Variants in ZSCAN4 observed in about 807,000 individuals in gnomAD.
ZSCAN4 encodes the protein zinc finger and SCAN domain containing 4, also known as zinc finger and SCAN domain-containing protein 4.
ZSCAN4 carries 18 observed loss-of-function variants against 18.3 expected under a neutral mutation model. The ratio of observed to expected loss-of-function variants is 0.98; its 90% confidence interval spans 0.68 to 1.46. The LOEUF is 1.46. Ranked by LOEUF, ZSCAN4 falls within the 40% of genes most tolerant of loss-of-function variation. The pLI is 0.00. For synonymous variants in ZSCAN4, 193 were observed against 180.3 expected (o/e 1.07, Z -0.57); for missense variants, 498 against 511.4 (o/e 0.97, Z 0.25).
chr19:57,656,315 G>A, the ZSCAN4 span, among the ~76,000 whole-genome samples: 1 of 152,240 alleles, frequency 6.6e-6, no homozygotes, highest in South Asian at 2.1e-4. Context: ...ATACACCCAG[G>A]AGGAACAAGT....
exon 1 of ZSCAN4, chr19:57,669,131 G>C (rs12610562): frequency 0.52 from 76,340 of 147,364 alleles, 20,041 homozygotes; most frequent in Middle Eastern, 0.59. Flanking sequence ...CGTAATCTCG[G>C]CTCACTGCAA....
Position 57,672,160 on chromosome 19 carries a change from TC to T in ZSCAN4, c.-106+1595del, listed in dbSNP as rs546789390. ...ATGCAAACTCACTTTTACTTCTGAA[TC>T]CTAAACATCAGTAGGAAAGGACAGG... On this transcript the variant is annotated intron_variant, in intron 2 of 4. Transcript: ENST00000318203. Among the ~76,000 whole-genome samples the T allele has an allele frequency of 3.2e-3, 489 of 152,258 alleles. 2 individuals are homozygous for T. Among genetic ancestry groups the T allele is most frequent in the African/African-American group, 0.011 (463 of 41,546 alleles).
In ZSCAN4 at chr19:57,678,078, A is replaced by T. The variant is rs745785607; in HGVS notation, c.561A>T (p.Gln187His). ...AAGATACTTCCTTAGAAACAGGACA[A>T]GGTAAGTCAGGTGAATCTGCACAAC... Residue 187 changes from glutamine (Q) to histidine (H), a missense_variant and splice_region_variant, in exon 4 of 5, where the codon CAA becomes CAT. Coordinates refer to ENST00000318203, the Ensembl canonical transcript of ZSCAN4. 8.8e-6 allele frequency: 14 copies of T among 1,581,990 alleles called. No homozygotes were observed. The Admixed American group carries it at 8.9e-5, about 10-fold the overall frequency.
At chr19:57,661,819 C>A in the ZSCAN4 span, among the ~76,000 whole-genome samples, 1 of 152,148 alleles carries the variant, frequency 6.6e-6, no homozygotes, top group African/African-American at 2.4e-5. Flanking sequence ...CGGTGGCTCA[C>A]GCCTGTAACC....
chr19:57,678,370 G>C (rs749225331), exon 5 of ZSCAN4: 32 of 1,613,920 alleles, frequency 2.0e-5, no homozygotes, highest in Middle Eastern at 3.3e-4. Flanking sequence ...TCTCAGGAAG[G>C]GTCCATAAAT....
At chr19:57,659,089 T>G in the ZSCAN4 span, among the ~76,000 whole-genome samples, 1 of 152,144 alleles carries the variant, frequency 6.6e-6, no homozygotes, top group Non-Finnish European at 1.5e-5. Flanking sequence ...GAAAGAAAGC[T>G]AAGTTCCTCG....
upstream of ZSCAN4, among the ~76,000 whole-genome samples, chr19:57,668,450 G>A (rs2885005): frequency 6.6e-6 from 1 of 152,144 alleles, no homozygotes; most frequent in Non-Finnish European, 1.5e-5. Flanking sequence ...GGGAAGTCAA[G>A]CAGACATTTC....
the ZSCAN4 span, among the ~76,000 whole-genome samples, chr19:57,657,729 C>G: frequency 6.6e-6 from 1 of 152,136 alleles, no homozygotes; most frequent in African/African-American, 2.4e-5. Flanking sequence ...TGAAGATGTT[C>G]TAGTCTCTTA....
At chr19:57,675,235 C>T (rs145124611) in intron 2 of ZSCAN4, among the ~76,000 whole-genome samples, 1 of 151,028 alleles carries the variant, frequency 6.6e-6, no homozygotes, top group African/African-American at 2.4e-5. Context: ...GCAATCTCCA[C>T]CTCCCGGGCT....
the ZSCAN4 span, among the ~76,000 whole-genome samples, chr19:57,662,741 A>G: frequency 6.6e-6 from 1 of 151,754 alleles, no homozygotes; most frequent in Non-Finnish European, 1.5e-5. Flanking sequence ...TCGTATTTTT[A>G]ATAGAGATGG....
At chr19:57,678,424 G>A (rs1257197617) in exon 5 of ZSCAN4, 2 of 1,614,122 alleles carry the variant, frequency 1.2e-6, no homozygotes, top group South Asian at 1.1e-5. Flanking sequence ...GGAGCAGGGT[G>A]TATCTCTCAA....
the ZSCAN4 span, among the ~76,000 whole-genome samples, chr19:57,652,969 C>T: frequency 6.6e-6 from 1 of 152,116 alleles, no homozygotes; most frequent in Non-Finnish European, 1.5e-5. Context: ...CTCAGGCTCA[C>T]ACTGATGCTC....
chr19:57,671,703 G>A (rs1322926372), intron 2 of ZSCAN4, among the ~76,000 whole-genome samples: 4 of 152,132 alleles, frequency 2.6e-5, no homozygotes, highest in South Asian at 2.1e-4. Flanking sequence ...TTTTATAAAC[G>A]TTGACTGGAA....
chr19:57,653,257 C>T, the ZSCAN4 span, among the ~76,000 whole-genome samples: 4 of 151,962 alleles, frequency 2.6e-5, no homozygotes, highest in Admixed American at 2.0e-4. Context: ...CATGGTGGTA[C>T]GCCTCTGTAA....
chr19:57,662,407 CTTAT>C, the ZSCAN4 span, among the ~76,000 whole-genome samples: 2 of 151,426 alleles, frequency 1.3e-5, no homozygotes, highest in East Asian at 1.9e-4. Context: ...ATTTAAATAT[CTTAT>C]TTAGATTATT....
the ZSCAN4 span, among the ~76,000 whole-genome samples, chr19:57,652,551 C>T: frequency 6.6e-6 from 1 of 152,090 alleles, no homozygotes; most frequent in African/African-American, 2.4e-5. Context: ...CCCTTGAACC[C>T]CTCCTCACCA....
intron 2 of ZSCAN4, among the ~76,000 whole-genome samples, chr19:57,671,807 C>G (rs1395385892): frequency 6.6e-6 from 1 of 152,130 alleles, no homozygotes; most frequent in Non-Finnish European, 1.5e-5. Flanking sequence ...TTAACTGATG[C>G]GATCAGGGTA....
At chr19:57,656,012 C>T in the ZSCAN4 span, among the ~76,000 whole-genome samples, 1 of 152,114 alleles carries the variant, frequency 6.6e-6, no homozygotes, top group African/African-American at 2.4e-5. Context: ...GAAAAAGGGT[C>T]AATATTTACA....
exon 5 of ZSCAN4, chr19:57,678,604 A>G: frequency 6.2e-7 from 1 of 1,614,076 alleles, no homozygotes; most frequent in Non-Finnish European, 8.5e-7. Flanking sequence ...CAGAGAAGAC[A>G]CAGGAATGAG....
Sources: gnomAD v4.1 joint callset for allele counts (sites outside exome capture counted in the v4.1 genomes callset) on GRCh38, gnomAD v4.1.1 for gene constraint, MANE v1.5 for transcripts, NCBI Gene and HGNC (gene_info 2026-07-23, HGNC 2026-07-21) for gene names.